LRP1B: variants seen among roughly 807,000 people sequenced by gnomAD.
LRP1B encodes low-density lipoprotein receptor-related protein 1B.
LRP1B carries 217 observed loss-of-function variants against 556.6 expected under a neutral mutation model. That is an observed-to-expected ratio of 0.39 (90% confidence interval 0.35 to 0.44). The LOEUF (loss-of-function observed/expected upper bound fraction) is 0.44. LRP1B is among the 20% of genes least tolerant of loss of function. The probability of loss-of-function intolerance (pLI) is 1.00; values close to 1 mark genes in which losing one functional copy is unlikely to be tolerated. For missense variants in LRP1B, 5,053 were observed against 5,620.8 expected (o/e 0.90, Z 3.23); for synonymous variants, 2,047 against 1,865.8 (o/e 1.10, Z -2.50).
intron 2 of LRP1B, among the ~76,000 whole-genome samples, chr2:141,786,956 A>G (rs915146194): frequency 6.6e-6 from 1 of 151,910 alleles, no homozygotes; most frequent in Non-Finnish European, 1.5e-5. Flanking sequence ...GTGATTTTTA[A>G]TATTGAAACA....
intron 1 of LRP1B, among the ~76,000 whole-genome samples, chr2:141,942,869 C>T (rs986930522): frequency 4.6e-5 from 7 of 152,162 alleles, no homozygotes; most frequent in African/African-American, 1.7e-4. Flanking sequence ...AGGGGAACAC[C>T]TTTCATACAT....
At chr2:140,863,288 C>T (rs1175384814) in intron 27 of LRP1B, among the ~76,000 whole-genome samples, 1 of 152,136 alleles carries the variant, frequency 6.6e-6, no homozygotes, top group African/African-American at 2.4e-5. Context: ...GTTCTTTTTA[C>T]TCCTTTGACC....
At chr2:141,269,665 C>G (rs1418394587) in intron 3 of LRP1B, among the ~76,000 whole-genome samples, 2 of 151,988 alleles carry the variant, frequency 1.3e-5, no homozygotes, top group Non-Finnish European at 2.9e-5. Context: ...CAAAAATAAA[C>G]CCCACTGTGG....
rs756641017 is a variant in LRP1B at position 140,541,887 on chromosome 2, C to T, written c.7279G>A (p.Ala2427Thr). Residue 2427 changes from alanine to threonine, a missense_variant, in exon 44 of 91, where the codon GCT (alanine) becomes ACT (threonine). Physicochemically the swap from Ala to Thr is moderately conservative, Grantham distance 58. Transcript: ENST00000389484. The part of the protein sequence containing the change: ...YIFWSDWGRR[A>T]ILRSNKYTGG... ...GTGTACTTGTTGGACCGCAGTATAG[C>T]TCTTCTTCCCCAGTCCGACCAGAAT... 5.8e-5 allele frequency: 93 copies of T among 1,612,698 alleles called. No individual in the cohort carries two copies. The highest frequency in any genetic ancestry group is 7.7e-5 in the Non-Finnish European group (91 of 1,179,186).
At chr2:140,652,032 A>C (rs2105322522) in intron 41 of LRP1B, among the ~76,000 whole-genome samples, 1 of 152,082 alleles carries the variant, frequency 6.6e-6, no homozygotes, top group Non-Finnish European at 1.5e-5. Context: ...TTCATAGAAC[A>C]AAAAAAATGT....
intron 1 of LRP1B, among the ~76,000 whole-genome samples, chr2:142,031,330 A>ATTTTTTTTTTTTTTTTTTTTTTT (rs560363480): frequency 6.8e-5 from 8 of 117,048 alleles, no homozygotes; most frequent in African/African-American, 1.8e-4. Context: ...GATTATACTT[A>ATTTTTTTTTTTTTTTTTTTTTTT]TTTTTTTTTT....
chr2:140,437,754 C>T (rs1352074604), intron 66 of LRP1B, among the ~76,000 whole-genome samples: 3 of 151,924 alleles, frequency 2.0e-5, no homozygotes, highest in Non-Finnish European at 4.4e-5. Context: ...TGTATAATTA[C>T]GTAGTACAAG....
At chr2:141,015,396 T>C (rs1425326982) in intron 13 of LRP1B, among the ~76,000 whole-genome samples, 1 of 152,020 alleles carries the variant, frequency 6.6e-6, no homozygotes, top group Non-Finnish European at 1.5e-5. Context: ...GGTTGCTTGG[T>C]TATAGAAAAC....
chr2:141,728,541 G>T (rs894088482), intron 2 of LRP1B, among the ~76,000 whole-genome samples: 7 of 152,100 alleles, frequency 4.6e-5, no homozygotes, highest in African/African-American at 1.7e-4. Context: ...TTGCTGTAAA[G>T]TTACAAAAAA....
intron 2 of LRP1B, among the ~76,000 whole-genome samples, chr2:141,705,650 G>A (rs1270425068): frequency 6.6e-6 from 1 of 151,950 alleles, no homozygotes; most frequent in African/African-American, 2.4e-5. Context: ...AGTGCTTACT[G>A]TGTTCTGGAT....
chr2:141,490,622 T>C (rs1683297217), intron 2 of LRP1B, among the ~76,000 whole-genome samples: 1 of 152,098 alleles, frequency 6.6e-6, no homozygotes, highest in African/African-American at 2.4e-5. Context: ...ATTAGGCATA[T>C]TGAGTGTGTT....
chr2:142,049,603 T>A (rs1341825721), intron 1 of LRP1B, among the ~76,000 whole-genome samples: 2 of 152,084 alleles, frequency 1.3e-5, no homozygotes, highest in East Asian at 3.9e-4. Flanking sequence ...TAGTCTTTCT[T>A]CCTTCTTTTA....
At chr2:141,890,631 G>A (rs1009632760) in intron 1 of LRP1B, among the ~76,000 whole-genome samples, 10 of 151,626 alleles carry the variant, frequency 6.6e-5, no homozygotes, top group South Asian at 2.1e-4. Context: ...CCAGGGCCCC[G>A]ACAGTCAATT....
At chr2:141,644,007 AGAGTGTGTGTGTGTGTGTGTGT>A (rs1381702568) in intron 2 of LRP1B, among the ~76,000 whole-genome samples, 4 of 142,218 alleles carry the variant, frequency 2.8e-5, no homozygotes, top group South Asian at 4.6e-4. Context: ...GAGAATGTGG[AGAGTGTGTGTGTGTGTGTGTGT>A]GTGTGTGTGT....
chr2:141,311,094 T>G (rs1204242150), intron 3 of LRP1B, among the ~76,000 whole-genome samples: 1 of 152,172 alleles, frequency 6.6e-6, no homozygotes, highest in African/African-American at 2.4e-5. Context: ...ATATAGGAAT[T>G]CTTGGCTCTA....
At chr2:140,312,526 G>A (rs903697200) in intron 83 of LRP1B, among the ~76,000 whole-genome samples, 1 of 151,880 alleles carries the variant, frequency 6.6e-6, no homozygotes, top group Non-Finnish European at 1.5e-5. Flanking sequence ...CAGCAAAAAT[G>A]TCTTAATGAT....
At chr2:140,295,935 G>A (rs1446842143) in intron 84 of LRP1B, among the ~76,000 whole-genome samples, 2 of 152,116 alleles carry the variant, frequency 1.3e-5, no homozygotes, top group African/African-American at 4.8e-5. Context: ...ATGGAGTGGT[G>A]AGAAGTATTC....
At chr2:141,253,410 TG>T (rs554978800) in intron 4 of LRP1B, among the ~76,000 whole-genome samples, 25 of 152,302 alleles carry the variant, frequency 1.6e-4, no homozygotes, top group East Asian at 1.2e-3. Flanking sequence ...TGATAATAAA[TG>T]TTTTTTTATA....
chr2:141,197,720 A>T (rs1391749569), intron 6 of LRP1B, among the ~76,000 whole-genome samples: 1 of 152,118 alleles, frequency 6.6e-6, no homozygotes, highest in Non-Finnish European at 1.5e-5. Context: ...GGAGGGAAAT[A>T]TGGTAACTTC....
Sources: allele counts gnomAD v4.1 joint callset (sites outside exome capture counted in the v4.1 genomes callset), GRCh38; gene constraint gnomAD v4.1.1; transcripts MANE v1.5; gene names NCBI Gene and HGNC (gene_info 2026-07-23, HGNC 2026-07-21).